OLFM2: variants seen among roughly 807,000 people sequenced by gnomAD.
OLFM2 encodes olfactomedin 2.
OLFM2 carries 20 observed loss-of-function variants against 43.9 expected under a neutral mutation model. The observed-to-expected ratio is 0.46, with a 90% confidence interval of 0.32 to 0.66. The LOEUF (loss-of-function observed/expected upper bound fraction) is 0.66. OLFM2 is among the 30% of genes least tolerant of loss of function. The pLI, the probability that OLFM2 is intolerant of heterozygous loss-of-function variation, is 0.04. For missense variants in OLFM2, 416 were observed against 643.6 expected (o/e 0.65, Z 3.83); for synonymous variants, 268 against 278.6 (o/e 0.96, Z 0.38).
chr19:9,911,509 C>A (rs2046827156), intron 1 of OLFM2, among the ~76,000 whole-genome samples: 1 of 152,016 alleles, frequency 6.6e-6, no homozygotes, highest in South Asian at 2.1e-4. Context: ...TTACAGAAAA[C>A]ACACAGCACA....
At chr19:9,920,406 T>G (rs770359264) in intron 1 of OLFM2, among the ~76,000 whole-genome samples, 27 of 152,118 alleles carry the variant, frequency 1.8e-4, no homozygotes, top group Non-Finnish European at 3.2e-4. Context: ...TGCATCACCC[T>G]GGTCCTGGCA....
intron 1 of OLFM2, among the ~76,000 whole-genome samples, chr19:9,862,811 C>A (rs1316566053): frequency 6.6e-6 from 1 of 151,882 alleles, no homozygotes; most frequent in Non-Finnish European, 1.5e-5. Context: ...CCCGTCTCTA[C>A]TAAAAATACA....
chr19:9,890,840 G>C (rs1055006811), intron 1 of OLFM2, among the ~76,000 whole-genome samples: 1 of 152,184 alleles, frequency 6.6e-6, no homozygotes, highest in African/African-American at 2.4e-5. Flanking sequence ...TATATTCCCA[G>C]CTACTCAGGA....
At chr19:9,860,568 C>G in intron 2 of OLFM2, 77 bp downstream of exon 2, 4 of 1,508,962 alleles carry the variant, frequency 2.7e-6, no homozygotes, top group Non-Finnish European at 3.6e-6. Context: ...CACTGGCTGA[C>G]CTGGATGGGG....
rs2145429853 is a variant in OLFM2, at chr19:9,857,029, A to C, written c.581-116T>G. 3.1e-6 allele frequency: 3 copies of C among 961,856 alleles called. No individual in the cohort carries two copies. The highest frequency in any genetic ancestry group is 4.8e-6 in the Non-Finnish European group (3 of 622,656). 59.6% of individuals were successfully genotyped at this position (961,856 alleles called of 1,614,324 possible). ...AAGCTGGGACCAGGGATGAGGGAAG[A>C]CTCAAAAATCTGGTCCCAATATGTT... On this transcript the variant is annotated intron_variant, in intron 4 of 5. Transcript: ENST00000264833. The surrounding 1 kb of genome is among the most constrained non-coding windows in gnomAD (Gnocchi z 5.7).
At chr19:9,880,853 G>A (rs564002274) in intron 1 of OLFM2, among the ~76,000 whole-genome samples, 1 of 152,208 alleles carries the variant, frequency 6.6e-6, no homozygotes, top group East Asian at 1.9e-4. Flanking sequence ...TGCAGCTTTG[G>A]CGCTCTCTCT....
intron 1 of OLFM2, among the ~76,000 whole-genome samples, chr19:9,865,312 G>T (rs1208282955): frequency 6.6e-6 from 1 of 151,228 alleles, no homozygotes; most frequent in Non-Finnish European, 1.5e-5. Flanking sequence ...GAGACTAAAG[G>T]CCTTTAGTCT....
intron 1 of OLFM2, chr19:9,913,663 C>G: frequency 8.6e-7 from 1 of 1,162,546 alleles, no homozygotes; most frequent in Non-Finnish European, 1.1e-6. Context: ...CGCGTCCCTT[C>G]TCTGGCCCGC....
At chr19:9,933,546 T>G (rs965824193) in intron 1 of OLFM2, among the ~76,000 whole-genome samples, 1 of 124,800 alleles carries the variant, frequency 8.0e-6, no homozygotes, top group Non-Finnish European at 1.6e-5. Context: ...CTGCTATCAC[T>G]CTAATCTTTT....
intron 1 of OLFM2, chr19:9,913,566 C>T (rs757660721): frequency 1.5e-4 from 184 of 1,268,686 alleles, no homozygotes; most frequent in Non-Finnish European, 1.8e-4. Context: ...CAGTTGGTGA[C>T]CATGGCCATG....
chr19:9,909,667 C>T (rs2046812970), intron 1 of OLFM2, among the ~76,000 whole-genome samples: 1 of 152,186 alleles, frequency 6.6e-6, no homozygotes, highest in Non-Finnish European at 1.5e-5. Context: ...GCTTTGTTTC[C>T]TGAACCCCTC....
At chr19:9,914,620 G>T (rs944457627) in intron 1 of OLFM2, among the ~76,000 whole-genome samples, 1 of 151,716 alleles carries the variant, frequency 6.6e-6, no homozygotes, top group Non-Finnish European at 1.5e-5. Flanking sequence ...AACTTTGGGT[G>T]GGGGCGGGGC....
Position 9,927,150 on chromosome 19 carries a change from CA to C in OLFM2, c.63+9153del, listed in dbSNP as rs1433607517. ...TACAAAAATTAGCCAGGCGTGGTAGCACGCGCCTGTTAACCCAGTTCCTTGG... is the reference window on the plus strand; with the variant it reads ...TACAAAAATTAGCCAGGCGTGGTAGCCGCGCCTGTTAACCCAGTTCCTTGG... On this transcript the variant is annotated intron_variant, in intron 1 of 5. Coordinates refer to ENST00000264833, the MANE Select transcript of OLFM2 (RefSeq NM_058164.4). Among the ~76,000 whole-genome samples, 51 of 152,040 alleles carry C rather than the reference CA, an allele frequency of 3.4e-4. 1 individual carries two copies. In the East Asian group the frequency reaches 7.7e-3, roughly 23 times the overall value.
intron 1 of OLFM2, among the ~76,000 whole-genome samples, chr19:9,905,099 A>C (rs1011257327): frequency 6.6e-6 from 1 of 152,072 alleles, no homozygotes; most frequent in African/African-American, 2.4e-5. Flanking sequence ...AGGCGGGTGG[A>C]CTGCCTGAGC....
chr19:9,891,361 A>G (rs1260416664), intron 1 of OLFM2, among the ~76,000 whole-genome samples: 1 of 149,176 alleles, frequency 6.7e-6, no homozygotes, highest in Admixed American at 6.8e-5. Flanking sequence ...ACAGTGGCTC[A>G]CATCTGTAAT....
intron 1 of OLFM2, among the ~76,000 whole-genome samples, chr19:9,863,052 A>G (rs868587714): frequency 6.6e-6 from 1 of 150,910 alleles, no homozygotes; most frequent in Non-Finnish European, 1.5e-5. Context: ...GGGCTTGCAC[A>G]CGTAGGCGTC....
chr19:9,904,842 A>T (rs148076249), intron 1 of OLFM2, among the ~76,000 whole-genome samples: 296 of 152,072 alleles, frequency 1.9e-3, no homozygotes, highest in Admixed American at 4.1e-3. Flanking sequence ...CCACATAGTG[A>T]GCTCCATCTC....
chr19:9,904,277 G>A (rs570703783), intron 1 of OLFM2, among the ~76,000 whole-genome samples: 6 of 150,164 alleles, frequency 4.0e-5, no homozygotes, highest in South Asian at 4.3e-4. Context: ...TGCAACCTCC[G>A]CCTCCCAGGT....
intron 1 of OLFM2, among the ~76,000 whole-genome samples, chr19:9,919,873 C>A (rs2086409125): frequency 6.9e-6 from 1 of 145,940 alleles, no homozygotes; most frequent in African/African-American, 2.6e-5. Context: ...CGGCTCACTG[C>A]AATCTGTGCC....
Sources: gnomAD v4.1 joint callset for allele counts (sites outside exome capture counted in the v4.1 genomes callset) on GRCh38, gnomAD v4.1.1 for gene constraint, Gnocchi (gnomAD v3.1) non-coding constraint, MANE v1.5 for transcripts, NCBI Gene and HGNC (gene_info 2026-07-23, HGNC 2026-07-21) for gene names.